MKNK1: variants seen among roughly 807,000 people sequenced by gnomAD.
MKNK1 encodes the protein MAP kinase-interacting serine/threonine-protein kinase 1.
MKNK1 carries 30 observed loss-of-function variants against 49.3 expected under a neutral mutation model. The observed-to-expected ratio is 0.61, with a 90% CI of 0.46 to 0.83. MKNK1 has a LOEUF of 0.83. Ranked by LOEUF, MKNK1 falls within the 40% of genes least tolerant of loss-of-function variation. The probability of loss-of-function intolerance (pLI) is 0.00; values close to 1 mark genes in which losing one functional copy is unlikely to be tolerated. For missense variants in MKNK1, 423 were observed against 524.7 expected (o/e 0.81, Z 1.89); for synonymous variants, 176 against 201.7 (o/e 0.87, Z 1.08).
chr1:46,591,389 C>T (rs561742813), intron 2 of MKNK1, among the ~76,000 whole-genome samples: 2 of 152,270 alleles, frequency 1.3e-5, no homozygotes, highest in South Asian at 4.1e-4. Context: ...GACTGGGGGC[C>T]TGAGAGTCCT....
At chr1:46,572,685 G>A (rs1670373920) in intron 6 of MKNK1, among the ~76,000 whole-genome samples, 1 of 152,144 alleles carries the variant, frequency 6.6e-6, no homozygotes, top group Non-Finnish European at 1.5e-5. Flanking sequence ...ACTCTCTTCT[G>A]TACCTGTCTA....
chr1:46,590,022 T>C (rs1013633380), intron 2 of MKNK1, among the ~76,000 whole-genome samples: 1 of 152,152 alleles, frequency 6.6e-6, no homozygotes, highest in Non-Finnish European at 1.5e-5. Flanking sequence ...CAGAATTCTT[T>C]TCAAGGTCTC....
At chr1:46,580,363 T>G (rs11211310) in intron 4 of MKNK1, 167 bp downstream of exon 4, 19,717 of 604,540 alleles carry the variant, frequency 0.033, 483 homozygotes, top group African/African-American at 0.079. Context: ...ACAGAGAAGT[T>G]AAGTAACTTG....
chr1:46,595,495 C>T (rs1428168765), intron 1 of MKNK1, among the ~76,000 whole-genome samples: 1 of 152,102 alleles, frequency 6.6e-6, no homozygotes, highest in Non-Finnish European at 1.5e-5. Flanking sequence ...AAGGCAAGCA[C>T]TTACCTTTTT....
intron 8 of MKNK1, chr1:46,565,435 G>T: frequency 2.5e-6 from 1 of 406,410 alleles, no homozygotes; most frequent in Non-Finnish European, 4.6e-6. Flanking sequence ...TGATGGTACA[G>T]GTTGCAGCAC....
chr1:46,562,604 G>A (rs1266638365), intron 10 of MKNK1, 45 bp downstream of exon 10: 1 of 1,525,462 alleles, frequency 6.6e-7, no homozygotes, highest in Non-Finnish European at 8.8e-7. Flanking sequence ...CAACCACACT[G>A]ACCCCTAGCA....
At chr1:46,599,959 ACTT>A (rs57289661) in intron 1 of MKNK1, among the ~76,000 whole-genome samples, 39,186 of 151,806 alleles carry the variant, frequency 0.26, 5,064 homozygotes, top group Admixed American at 0.33. Flanking sequence ...AATTCGGCTT[ACTT>A]CTTCTCCTCA....
At chr1:46,572,794 C>G (rs1371117567) in intron 6 of MKNK1, among the ~76,000 whole-genome samples, 1 of 152,132 alleles carries the variant, frequency 6.6e-6, no homozygotes, top group Admixed American at 6.5e-5. Context: ...AGGAATAAAA[C>G]TGAAGGCACT....
At chr1:46,576,877 G>C (rs1671044392) in intron 4 of MKNK1, among the ~76,000 whole-genome samples, 1 of 152,198 alleles carries the variant, frequency 6.6e-6, no homozygotes, top group Non-Finnish European at 1.5e-5. Context: ...CTCTGGCCAA[G>C]CACAACACCA....
chr1:46,590,009 C>T (rs1490375426), intron 2 of MKNK1, among the ~76,000 whole-genome samples: 2 of 152,148 alleles, frequency 1.3e-5, no homozygotes, highest in African/African-American at 4.8e-5. Flanking sequence ...CTCCCAACCA[C>T]TTCAGAATTC....
chr1:46,560,332 C>A, intron 11 of MKNK1, 55 bp from the exon 12 acceptor site: 1 of 1,586,234 alleles, frequency 6.3e-7, no homozygotes, highest in Non-Finnish European at 8.7e-7. Context: ...CTTTCAAGAA[C>A]TGCCCCACCC....
chr1:46,559,573 C>G (rs936681580), intron 12 of MKNK1: 2 of 154,078 alleles, frequency 1.3e-5, no homozygotes, highest in Non-Finnish European at 2.9e-5. Context: ...TAGAACACCT[C>G]TCTTAAATTC....
At chr1:46,562,504 G>T in intron 10 of MKNK1, 145 bp downstream of exon 10, 1 of 889,550 alleles carries the variant, frequency 1.1e-6, no homozygotes, top group Non-Finnish European at 1.6e-6. Context: ...ATTTTACCTT[G>T]TGGCCACCGT....
At chr1:46,596,226 A>G (rs1256132901) in intron 1 of MKNK1, among the ~76,000 whole-genome samples, 1 of 152,242 alleles carries the variant, frequency 6.6e-6, no homozygotes, top group Admixed American at 6.5e-5. Flanking sequence ...GTAGAGAGAA[A>G]GCAGTAGACA....
chr1:46,586,093 T>C (rs1005990072), intron 2 of MKNK1: 5 of 391,150 alleles, frequency 1.3e-5, no homozygotes, highest in Non-Finnish European at 2.5e-5. Flanking sequence ...TAGTTGCCCA[T>C]GTGGAGCCTG....
chr1:46,564,466 GTTTTTTTTTTT>G (rs568296534), intron 9 of MKNK1, among the ~76,000 whole-genome samples: 1,233 of 70,188 alleles, frequency 0.018, 36 homozygotes, highest in African/African-American at 0.079. Context: ...TTTTTTTATT[GTTTTTTTTTTT>G]TTTTTTTTTT....
rs1437804535 is a variant in MKNK1 at position 46,562,649 on chromosome 1, C to G, written c.804G>C (p.Gln268His). The change falls in exon 10 of 13, where the codon CAG becomes CAC. Residue 268 changes from glutamine (Q) to histidine (H), a missense_variant and splice_region_variant. Transcript: ENST00000371945. ...CAGTGCTCCCTGGGGCCGCACTCAC[C>G]TGGCACACCCTGCAGACCTCGCCCC... ...WDRGEVCRVC[Q>H]NKLFESIQEG... The G allele has an allele frequency of 6.4e-7, 1 of 1,551,720 alleles. No individual in the cohort carries two copies. The highest frequency in any genetic ancestry group is 1.2e-5 in the South Asian group (1 of 84,164).
In MKNK1 at chr1:46,585,111, G is replaced by A. The variant is rs184011930; in HGVS notation, c.-2-1782C>T. Among the ~76,000 whole-genome samples the A allele has an allele frequency of 5.5e-3, 827 of 151,678 alleles. 6 individuals carry two copies. Among genetic ancestry groups the A allele is most frequent in the East Asian group, 0.032 (166 of 5,164 alleles). Reference sequence around the variant, plus strand: ...CTAAAAATACAAAAATTAGCTGGGTGTGGTGGCGGGTGCCTGTAGTGCCAG... The same window carrying A: ...CTAAAAATACAAAAATTAGCTGGGTATGGTGGCGGGTGCCTGTAGTGCCAG... On this transcript the variant is annotated intron_variant, in intron 2 of 12. Coordinates refer to ENST00000371945, the MANE Select transcript of MKNK1 (RefSeq NM_001135553.4).
chr1:46,594,438 C>T (rs139374298), intron 1 of MKNK1, among the ~76,000 whole-genome samples, 158 bp from the exon 2 acceptor site: 2 of 152,266 alleles, frequency 1.3e-5, no homozygotes, highest in Non-Finnish European at 2.9e-5. Flanking sequence ...TAAAATCAGA[C>T]ATTTGAATTA....
Sources: allele counts gnomAD v4.1 joint callset (sites outside exome capture counted in the v4.1 genomes callset), GRCh38; gene constraint gnomAD v4.1.1; transcripts MANE v1.5; gene names NCBI Gene and HGNC (gene_info 2026-07-23, HGNC 2026-07-21).